PLGRKT: variants seen among roughly 807,000 people sequenced by gnomAD.
PLGRKT encodes plasminogen receptor with a C-terminal lysine.
Under a neutral mutation model 18.5 loss-of-function variants are expected in PLGRKT, and 22 were observed. That is an observed-to-expected ratio of 1.19 (90% confidence interval 0.85 to 1.70). The LOEUF is 1.70. Ranked by LOEUF, PLGRKT falls within the 40% of genes most tolerant of loss-of-function variation. The probability of loss-of-function intolerance (pLI) is 0.00; values close to 1 mark genes in which losing one functional copy is unlikely to be tolerated. For synonymous variants in PLGRKT, 72 were observed against 52.8 expected (o/e 1.36, Z -1.58); for missense variants, 235 against 174.4 (o/e 1.35, Z -1.96).
At chr9:5,360,028 C>T (rs1478725765) in intron 5 of PLGRKT, among the ~76,000 whole-genome samples, 2 of 152,158 alleles carry the variant, frequency 1.3e-5, no homozygotes, top group Non-Finnish European at 2.9e-5. Context: ...TATGTTGCAG[C>T]TGATGAGAGA....
intron 3 of PLGRKT, among the ~76,000 whole-genome samples, chr9:5,427,194 T>G (rs904809349): frequency 2.0e-5 from 3 of 152,212 alleles, no homozygotes; most frequent in African/African-American, 7.2e-5. Context: ...TCCCCTTGTC[T>G]AGTGTAGCCA....
chr9:5,409,266 T>A (rs199618309), intron 3 of PLGRKT, among the ~76,000 whole-genome samples: 1 of 151,492 alleles, frequency 6.6e-6, no homozygotes, highest in Admixed American at 6.6e-5. Context: ...AGTCAGTGGG[T>A]TGGGGAAGGC....
At chr9:5,424,265 T>A (rs1037363380) in intron 3 of PLGRKT, among the ~76,000 whole-genome samples, 1 of 137,372 alleles carries the variant, frequency 7.3e-6, no homozygotes, top group Admixed American at 7.9e-5. Context: ...ACACTATATG[T>A]CATATATTAT....
chr9:5,380,842 C>A (rs1817728754), intron 3 of PLGRKT, among the ~76,000 whole-genome samples: 1 of 152,174 alleles, frequency 6.6e-6, no homozygotes, highest in African/African-American at 2.4e-5. Flanking sequence ...CCACCCAAAT[C>A]TCATCTCAAA....
At chr9:5,427,675 T>C (rs1014083762) in intron 3 of PLGRKT, among the ~76,000 whole-genome samples, 2 of 152,180 alleles carry the variant, frequency 1.3e-5, no homozygotes, top group East Asian at 3.9e-4. Flanking sequence ...TTGGACCATA[T>C]CCCCCACAGA....
At chr9:5,376,772 A>G (rs1016731078) in intron 3 of PLGRKT, among the ~76,000 whole-genome samples, 7 of 152,226 alleles carry the variant, frequency 4.6e-5, no homozygotes, top group Non-Finnish European at 7.3e-5. Context: ...CTGTATATAC[A>G]TACACACATA....
chr9:5,415,269 T>C (rs1353833715), intron 3 of PLGRKT, among the ~76,000 whole-genome samples: 2 of 152,206 alleles, frequency 1.3e-5, no homozygotes, highest in African/African-American at 4.8e-5. Context: ...TAAATAATGA[T>C]GGTACTAGTT....
At chr9:5,401,102 T>C (rs917681771) in intron 3 of PLGRKT, among the ~76,000 whole-genome samples, 1 of 151,936 alleles carries the variant, frequency 6.6e-6, no homozygotes, top group Non-Finnish European at 1.5e-5. Context: ...TAATTATTAC[T>C]ATTATTTTGC....
At chr9:5,360,617 A>G (rs567502384) in intron 5 of PLGRKT, among the ~76,000 whole-genome samples, 3 of 152,254 alleles carry the variant, frequency 2.0e-5, no homozygotes, top group African/African-American at 7.2e-5. Context: ...TACCAATGGG[A>G]TGTCACTGAA....
At chr9:5,409,468 T>C (rs937105130) in intron 3 of PLGRKT, among the ~76,000 whole-genome samples, 1 of 152,206 alleles carries the variant, frequency 6.6e-6, no homozygotes, top group Non-Finnish European at 1.5e-5. Context: ...CTATCCTTGC[T>C]CCTTAGCCTG....
intron 3 of PLGRKT, among the ~76,000 whole-genome samples, chr9:5,429,872 G>A (rs919376545): frequency 1.3e-5 from 2 of 152,162 alleles, no homozygotes; most frequent in African/African-American, 4.8e-5. Flanking sequence ...AACCCATGGA[G>A]GCTTGTAACT....
chr9:5,391,930 G>C (rs1280268281), intron 3 of PLGRKT, among the ~76,000 whole-genome samples: 1 of 151,866 alleles, frequency 6.6e-6, no homozygotes, highest in East Asian at 1.9e-4. Flanking sequence ...GTTCCTCTCA[G>C]TTGAACAATT....
At chr9:5,378,634 T>C (rs1817678185) in intron 3 of PLGRKT, among the ~76,000 whole-genome samples, 1 of 152,158 alleles carries the variant, frequency 6.6e-6, no homozygotes, top group Non-Finnish European at 1.5e-5. Flanking sequence ...ATTAATTGAG[T>C]TGTACACTTT....
At chr9:5,403,223 T>TC (rs972444404) in intron 3 of PLGRKT, among the ~76,000 whole-genome samples, 4 of 139,318 alleles carry the variant, frequency 2.9e-5, no homozygotes, top group Non-Finnish European at 4.8e-5. Flanking sequence ...GATTCTTTTT[T>TC]CTTTTTTTTT....
chr9:5,433,336 T>C (rs78334385), intron 2 of PLGRKT, among the ~76,000 whole-genome samples: 1 of 145,002 alleles, frequency 6.9e-6, no homozygotes, highest in African/African-American at 2.6e-5. Flanking sequence ...CATCTCTTCC[T>C]GACCGCCCAT....
At chr9:5,405,318 G>A (rs1300378586) in intron 3 of PLGRKT, among the ~76,000 whole-genome samples, 1 of 152,138 alleles carries the variant, frequency 6.6e-6, no homozygotes, top group Admixed American at 6.5e-5. Context: ...TAAGCAAAAA[G>A]AACAAAGCTG....
chr9:5,359,616 G>C (rs910085095), intron 5 of PLGRKT, among the ~76,000 whole-genome samples: 2 of 152,146 alleles, frequency 1.3e-5, no homozygotes, highest in African/African-American at 4.8e-5. Flanking sequence ...CAGTCGAATA[G>C]GGATTGTATA....
intron 2 of PLGRKT, among the ~76,000 whole-genome samples, chr9:5,435,395 C>A (rs1355619346): frequency 1.3e-5 from 2 of 152,058 alleles, no homozygotes; most frequent in Non-Finnish European, 2.9e-5. Context: ...TGTCATCCCA[C>A]CACAATCCCT....
chr9:5,382,650 C>T (rs974835893), intron 3 of PLGRKT, among the ~76,000 whole-genome samples: 3 of 152,160 alleles, frequency 2.0e-5, no homozygotes, highest in Non-Finnish European at 4.4e-5. Flanking sequence ...TGGGGAGCCA[C>T]AAAGTCACTG....
Sources: gnomAD v4.1 joint callset for allele counts (sites outside exome capture counted in the v4.1 genomes callset) on GRCh38, gnomAD v4.1.1 for gene constraint, MANE v1.5 for transcripts, NCBI Gene and HGNC (gene_info 2026-07-23, HGNC 2026-07-21) for gene names.